TBC1D19: variants seen among roughly 807,000 people sequenced by gnomAD.
The protein encoded by TBC1D19 is TBC1 domain family member 19, also known as TBC1 domain family, member 19.
Under a neutral mutation model 89.0 loss-of-function variants are expected in TBC1D19, and 60 were observed. That is an observed-to-expected ratio of 0.67 (90% CI 0.55 to 0.84). TBC1D19 has a LOEUF of 0.84. Among genes scored for constraint, TBC1D19 ranks in the 40% least tolerant of loss-of-function variants. The pLI, the probability that TBC1D19 is intolerant of heterozygous loss-of-function variation, is 0.00. For synonymous variants in TBC1D19, 189 were observed against 199.7 expected, an observed-to-expected ratio of 0.95 and a Z score of 0.45; for missense variants, 500 against 610.8, an observed-to-expected ratio of 0.82 and a Z score of 1.91.
intron 7 of TBC1D19, among the ~76,000 whole-genome samples, chr4:26,655,958 G>A (rs544700889): frequency 3.3e-5 from 5 of 152,198 alleles, no homozygotes; most frequent in Admixed American, 2.0e-4. Context: ...CGTCTTCTGC[G>A]TCGCTCACGC....
intron 3 of TBC1D19, among the ~76,000 whole-genome samples, chr4:26,616,250 G>C (rs1370702848): frequency 6.6e-6 from 1 of 152,098 alleles, no homozygotes; most frequent in Non-Finnish European, 1.5e-5. Flanking sequence ...GAATTAAATG[G>C]ATTTAACCTT....
intron 7 of TBC1D19, among the ~76,000 whole-genome samples, chr4:26,642,819 CA>C (rs1457552615): frequency 6.9e-5 from 8 of 115,862 alleles, no homozygotes; most frequent in East Asian, 5.9e-4. Context: ...AAACAAAGAT[CA>C]AAAGAGACAA....
At chr4:26,632,076 A>G (rs934275604) in intron 4 of TBC1D19, among the ~76,000 whole-genome samples, 17 of 152,148 alleles carry the variant, frequency 1.1e-4, no homozygotes, top group Admixed American at 1.1e-3. Flanking sequence ...CAAATATTCA[A>G]CATCTTGTCT....
intron 1 of TBC1D19, among the ~76,000 whole-genome samples, chr4:26,591,076 G>A (rs886962807): frequency 4.6e-4 from 22 of 48,326 alleles, no homozygotes; most frequent in Non-Finnish European, 1.4e-3. Flanking sequence ...CCTTCCCCCT[G>A]AGACTCCGGC....
At chr4:26,659,492 T>C in intron 7 of TBC1D19, 105 bp from the exon 8 acceptor site, 1 of 607,118 alleles carries the variant, frequency 1.6e-6, no homozygotes, top group Non-Finnish European at 2.9e-6. Context: ...ATCACCCAAA[T>C]AGTAATTAAT....
At chr4:26,767,402 G>A in the TBC1D19 span, among the ~76,000 whole-genome samples, 1 of 152,074 alleles carries the variant, frequency 6.6e-6, no homozygotes, top group Non-Finnish European at 1.5e-5. Context: ...ATTTCTGTCC[G>A]AGATGGACTG....
At chr4:26,746,334 A>G (rs1718646305) in intron 18 of TBC1D19, among the ~76,000 whole-genome samples, 1 of 151,768 alleles carries the variant, frequency 6.6e-6, no homozygotes, top group African/African-American at 2.4e-5. Flanking sequence ...CAGCCTCCGA[A>G]AGCACTGGGA....
At chr4:26,823,906 T>A in the TBC1D19 span, among the ~76,000 whole-genome samples, 2 of 152,338 alleles carry the variant, frequency 1.3e-5, no homozygotes, top group South Asian at 2.1e-4. Context: ...TCCTTCTTTA[T>A]ACAGAACCCC....
chr4:26,620,788 G>A, intron 4 of TBC1D19, 100 bp downstream of exon 4: 1 of 1,011,306 alleles, frequency 9.9e-7, no homozygotes, highest in Non-Finnish European at 1.4e-6. Context: ...TATTAATTAT[G>A]AAATACTGGG....
chr4:26,750,974 A>G (rs181421681), intron 19 of TBC1D19, among the ~76,000 whole-genome samples: 281 of 152,352 alleles, frequency 1.8e-3, no homozygotes, highest in African/African-American at 6.4e-3. Context: ...AGAACAGTTT[A>G]AAGCAAAGTT....
chr4:26,823,599 G>T, the TBC1D19 span, among the ~76,000 whole-genome samples: 2 of 152,178 alleles, frequency 1.3e-5, no homozygotes, highest in African/African-American at 4.8e-5. Context: ...GGAATCTGGA[G>T]ATGGGTCTGT....
the TBC1D19 span, among the ~76,000 whole-genome samples, chr4:26,831,717 G>A: frequency 1.3e-5 from 2 of 151,648 alleles, no homozygotes; most frequent in Non-Finnish European, 2.9e-5. Flanking sequence ...CAAGTAGCTG[G>A]GACTACAGGT....
At chr4:26,803,180 G>A in the TBC1D19 span, among the ~76,000 whole-genome samples, 2 of 152,070 alleles carry the variant, frequency 1.3e-5, no homozygotes, top group Non-Finnish European at 1.5e-5. Flanking sequence ...GGATGCATTG[G>A]GGGTACTACA....
intron 4 of TBC1D19, among the ~76,000 whole-genome samples, chr4:26,636,810 A>G (rs112558128): frequency 2.0e-3 from 308 of 152,166 alleles, no homozygotes; most frequent in African/African-American, 7.0e-3. Flanking sequence ...ATTTCTGTAC[A>G]TTTTTACCTT....
chr4:26,806,115 T>G, the TBC1D19 span, among the ~76,000 whole-genome samples: 1 of 152,034 alleles, frequency 6.6e-6, no homozygotes. Flanking sequence ...CCTGCTAAAC[T>G]TGAGCCTGAC....
the TBC1D19 span, among the ~76,000 whole-genome samples, chr4:26,769,220 A>G: frequency 1.3e-5 from 2 of 152,138 alleles, no homozygotes; most frequent in Non-Finnish European, 2.9e-5. Context: ...AATATGAAAT[A>G]AAGATTTTTT....
At chr4:26,580,470 A>C (rs1485395870), upstream of TBC1D19, among the ~76,000 whole-genome samples, 1 of 152,102 alleles carries the variant, frequency 6.6e-6, no homozygotes, top group Non-Finnish European at 1.5e-5. Flanking sequence ...ATGTGAAGAG[A>C]CTCTGAAGAG....
At chr4:26,832,252 G>A in the TBC1D19 span, among the ~76,000 whole-genome samples, 1 of 152,088 alleles carries the variant, frequency 6.6e-6, no homozygotes. Flanking sequence ...CAATCCTTTT[G>A]CCCTAAGGCC....
At chr4:26,847,465 G>A in the TBC1D19 span, among the ~76,000 whole-genome samples, 1 of 152,156 alleles carries the variant, frequency 6.6e-6, no homozygotes, top group African/African-American at 2.4e-5. Context: ...CTAGGCAGAA[G>A]GAAAAGCAAA....
Sources: gnomAD v4.1 joint callset for allele counts (sites outside exome capture counted in the v4.1 genomes callset) on GRCh38, gnomAD v4.1.1 for gene constraint, MANE v1.5 for transcripts, NCBI Gene and HGNC (gene_info 2026-07-23, HGNC 2026-07-21) for gene names.